The following ABR variants were observed in gnomAD, a reference collection of about 807,000 sequenced individuals.
The protein encoded by ABR is ABR activator of RhoGEF and GTPase, also known as active breakpoint cluster region-related protein.
In ABR, 35 loss-of-function variants were observed where a neutral mutation model predicts 107.2. That is an observed-to-expected ratio of 0.33 (90% CI 0.25 to 0.43). The LOEUF (loss-of-function observed/expected upper bound fraction) is 0.43. Ranked by LOEUF, ABR falls within the 20% of genes least tolerant of loss-of-function variation. The pLI is 1.00. For missense variants in ABR, 815 were observed against 1,115.2 expected, an observed-to-expected ratio of 0.73 and a Z score of 3.83; for synonymous variants, 498 against 462.0, an observed-to-expected ratio of 1.08 and a Z score of -1.00.
chr17:1,046,957 C>A (rs2031715386), intron 16 of ABR, among the ~76,000 whole-genome samples: 1 of 152,240 alleles, frequency 6.6e-6, no homozygotes. Flanking sequence ...TGCCGTCTGT[C>A]TGTCACTAAA....
intron 6 of ABR, among the ~76,000 whole-genome samples, chr17:1,075,998 C>A (rs1423060168): frequency 3.9e-5 from 6 of 152,130 alleles, no homozygotes; most frequent in Admixed American, 1.3e-4. Context: ...GCTGAGATTG[C>A]GCCATTGCAC....
At chr17:1,217,357 A>G (rs2043030042) in intron 1 of ABR, among the ~76,000 whole-genome samples, 1 of 152,162 alleles carries the variant, frequency 6.6e-6, no homozygotes, top group Admixed American at 6.5e-5. Flanking sequence ...AGGCAACAAG[A>G]TGAGCAAGAT....
In ABR at chr17:1,177,413, G is replaced by A. The variant is rs56653350; in HGVS notation, c.61+2254C>T. ...CACCCCAGGAGCCGCCCAGAGGCCA[G>A]GGCAGCAGCAGGAGGGTAGACAGCT... On this transcript the variant is annotated intron_variant, in intron 1 of 22. Transcript: ENST00000302538. Among the ~76,000 whole-genome samples the A allele has an allele frequency of 3.9e-3, 587 of 152,280 alleles. 4 individuals are homozygous for A. The highest frequency in any genetic ancestry group is 0.013 in the African/African-American group (550 of 41,554).
chr17:1,008,746 C>T (rs1192438262), intron 21 of ABR, among the ~76,000 whole-genome samples: 5 of 152,224 alleles, frequency 3.3e-5, no homozygotes, highest in Non-Finnish European at 5.9e-5. Flanking sequence ...AGAATTGTTC[C>T]GCAGAGCAGT....
intron 16 of ABR, among the ~76,000 whole-genome samples, chr17:1,016,823 G>A (rs754052782): frequency 1.2e-4 from 19 of 152,050 alleles, no homozygotes; most frequent in Non-Finnish European, 2.4e-4. Context: ...TCCTGCCCAC[G>A]TCGCCCTCAG....
At chr17:1,121,971 C>T (rs1018934317) in intron 2 of ABR, among the ~76,000 whole-genome samples, 2 of 152,166 alleles carry the variant, frequency 1.3e-5, no homozygotes, top group South Asian at 2.1e-4. Flanking sequence ...GGCAAGATCT[C>T]GGCTCGCTGC....
intron 2 of ABR, among the ~76,000 whole-genome samples, chr17:1,110,957 C>T (rs1479241823): frequency 6.6e-6 from 1 of 152,220 alleles, no homozygotes; most frequent in Non-Finnish European, 1.5e-5. Context: ...GCGGGTGAGG[C>T]TGTGGCGAGG....
chr17:1,125,263 T>C lies in ABR; in HGVS notation c.166A>G (p.Met56Val), dbSNP rs752920858. The C allele has an allele frequency of 1.2e-6, 2 of 1,612,948 alleles. No homozygotes were observed. The highest frequency in any genetic ancestry group is 2.2e-5 in the East Asian group (1 of 44,818). ...TMPYIDESPT[M>V]SPQLSARSQG... ...CTGCGGGCGCTGAGCTGCGGGGACATGGTGGGCGACTCATCGATGTACGGC... is the reference window on the plus strand; with the variant it reads ...CTGCGGGCGCTGAGCTGCGGGGACACGGTGGGCGACTCATCGATGTACGGC... Residue 56 changes from methionine (M) to valine (V), a missense_variant, in exon 2 of 23, where the codon ATG (methionine) becomes GTG (valine). Physicochemically the swap from Met to Val is conservative, Grantham distance 21. Around this residue, in one of 5 missense-constraint regions of ABR, gnomAD observed 129 missense variants for 124.8 expected, o/e 1.03. Coordinates refer to ENST00000302538, the MANE Select transcript of ABR (RefSeq NM_021962.5).
rs573394732 is a variant in ABR at position 1,204,352 on chromosome 17, G to T, written c.838+24441C>A. ...CCCAGCTACTCGGGAGGCTGAGGCA[G>T]GAGAATCGCTTGAACCCGGGAGGCA... On this transcript the variant is annotated intron_variant, in intron 1 of 22. Coordinates refer to the ABR transcript ENST00000574139. 2.8e-3 allele frequency among the ~76,000 whole-genome samples: 420 copies of T among 152,338 alleles called. 1 individual carries two copies. Among genetic ancestry groups the T allele is most frequent in the Non-Finnish European group, 4.3e-3 (292 of 68,040 alleles).
At chr17:1,035,442 C>A (rs1370945762) in intron 16 of ABR, among the ~76,000 whole-genome samples, 1 of 90,454 alleles carries the variant, frequency 1.1e-5, no homozygotes, top group Non-Finnish European at 2.3e-5. Context: ...CTCCCCCCAC[C>A]CCTTCCATCC....
intron 1 of ABR, among the ~76,000 whole-genome samples, chr17:1,208,754 G>A (rs1302043568): frequency 6.6e-6 from 1 of 152,124 alleles, no homozygotes; most frequent in Non-Finnish European, 1.5e-5. Flanking sequence ...CGGGTGTGGT[G>A]GCGGGCGCCT....
At chr17:1,081,419 A>G (rs1217223848) in intron 5 of ABR, among the ~76,000 whole-genome samples, 1 of 151,906 alleles carries the variant, frequency 6.6e-6, no homozygotes, top group Non-Finnish European at 1.5e-5. Flanking sequence ...CCCACCCTGC[A>G]CTTCGTCCTC....
chr17:1,227,555 A>G (rs912486997), intron 1 of ABR, among the ~76,000 whole-genome samples: 2 of 152,230 alleles, frequency 1.3e-5, no homozygotes, highest in African/African-American at 4.8e-5. Flanking sequence ...CTGTGCTTTT[A>G]GCAAAGTGGA....
chr17:1,067,874 A>G (rs2034886283), intron 9 of ABR, among the ~76,000 whole-genome samples: 1 of 152,224 alleles, frequency 6.6e-6, no homozygotes, highest in Admixed American at 6.5e-5. Flanking sequence ...TCTGCCTCAG[A>G]ACTATCTCAA....
chr17:1,080,401 T>C (rs1333678533), intron 5 of ABR, among the ~76,000 whole-genome samples: 1 of 152,156 alleles, frequency 6.6e-6, no homozygotes. Context: ...TTTAGAGACG[T>C]TCCAGCCCCA....
chr17:1,058,643 G>A (rs2033607282), intron 11 of ABR, 102 bp downstream of exon 11: 3 of 1,440,718 alleles, frequency 2.1e-6, no homozygotes, highest in Non-Finnish European at 2.8e-6. Context: ...GGAAGAGGGG[G>A]CCTGAGTTTC....
intron 1 of ABR, among the ~76,000 whole-genome samples, chr17:1,145,119 C>A (rs1295064746): frequency 6.6e-6 from 1 of 152,216 alleles, no homozygotes; most frequent in South Asian, 2.1e-4. Flanking sequence ...TATATTCTGT[C>A]TTCCCCGCGA....
chr17:1,110,778 A>C (rs2151392256), intron 2 of ABR, among the ~76,000 whole-genome samples: 1 of 152,316 alleles, frequency 6.6e-6, no homozygotes, highest in East Asian at 1.9e-4. Context: ...CCCCAGGGCT[A>C]ACAGCCTTTG....
chr17:1,011,659 T>C lies in ABR; in HGVS notation c.2101+187A>G. 1 of 615,896 alleles carries C rather than the reference T, an allele frequency of 1.6e-6. No individual in the cohort carries two copies. The highest frequency in any genetic ancestry group is 3.2e-5 in the East Asian group (1 of 31,194). The allele number at this position is 615,896 out of a possible 1,614,324, so 38.2% of individuals were successfully genotyped here. On this transcript the variant is annotated intron_variant, in intron 19 of 22. Transcript: ENST00000302538. This position sits in a 1 kb window ranked among gnomAD's most constrained non-coding sequence, Gnocchi z 4.8. ...GCCCTTGTGAGTTTCTGCAGTTGCT[T>C]ACCTGCAGCAAGGGACAAGAGATTG...
Sources: gnomAD v4.1 joint callset for allele counts (sites outside exome capture counted in the v4.1 genomes callset) on GRCh38, gnomAD v4.1.1 for gene constraint, gnomAD v4.1.1 regional missense constraint, Gnocchi (gnomAD v3.1) non-coding constraint, MANE v1.5 for transcripts, NCBI Gene and HGNC (gene_info 2026-07-23, HGNC 2026-07-21) for gene names.